TGOLN2: variants seen among roughly 807,000 people sequenced by gnomAD.
TGOLN2 encodes trans-Golgi network integral membrane protein 2.
Under a neutral mutation model 31.3 loss-of-function variants are expected in TGOLN2, and 19 were observed. That is an observed-to-expected ratio of 0.61 (90% confidence interval 0.42 to 0.89). The LOEUF (loss-of-function observed/expected upper bound fraction) is 0.89. Among genes scored for constraint, TGOLN2 ranks in the 40% least tolerant of loss-of-function variants. TGOLN2 has a pLI of 0.00. For synonymous variants in TGOLN2, 222 were observed against 226.7 expected (o/e 0.98, Z 0.19); for missense variants, 540 against 559.2 (o/e 0.97, Z 0.35).
In TGOLN2 at chr2:85,327,963, C is replaced by T. The variant is rs367812749; in HGVS notation, c.-1G>A. The T allele has an allele frequency of 4.6e-5, 73 of 1,592,958 alleles. No homozygotes were observed. The African/African-American group carries it at 9.0e-4, about 20-fold the overall frequency. ...GGACCAAGGCAACCACGAACCGCAT[C>T]CTGCTCGGATAGCGCTTCCGCCCTC... is the stretch of plus-strand genomic sequence containing the variant. On this transcript the variant is annotated 5_prime_UTR_variant, in exon 1 of 4. Transcript: ENST00000377386.
intron 3 of TGOLN2, 35 bp from the exon 4 acceptor site, chr2:85,322,776 G>A (rs374425117): frequency 7.9e-5 from 127 of 1,606,672 alleles, no homozygotes; most frequent in Non-Finnish European, 1.0e-4. Context: ...GAGGTGCAGG[G>A]AAAACATTCA....
chr2:85,322,856 A>T, intron 3 of TGOLN2, 115 bp from the exon 4 acceptor site: 1 of 1,518,638 alleles, frequency 6.6e-7, no homozygotes, highest in East Asian at 2.4e-5. Context: ...AATGATTTTT[A>T]AAGTTTGAAA....
At position 85,322,177 on chromosome 2, in the gene TGOLN2, C is replaced by T. The variant is rs1485907783; in HGVS notation, c.*559G>A. On this transcript the variant is annotated 3_prime_UTR_variant, in exon 4 of 4. Coordinates refer to ENST00000377386, the MANE Select transcript of TGOLN2 (RefSeq NM_006464.4). ...ATTATGTATTCAAAGTAGCTCTTTG[C>T]CCATTGGCATTTCCCCATCTTCTAT... The T allele has an allele frequency of 6.4e-6, 1 of 156,344 alleles. No homozygotes were observed. Among genetic ancestry groups the T allele is most frequent in the African/African-American group, 2.4e-5 (1 of 41,460 alleles). 9.7% of individuals were successfully genotyped at this position (156,344 alleles called of 1,614,324 possible).
In TGOLN2 at chr2:85,322,657, CA is replaced by C; in HGVS notation, c.*78del. 1.2e-6 allele frequency: 2 copies of C among 1,600,170 alleles called. No individual in the cohort carries two copies. The highest frequency in any genetic ancestry group is 1.8e-5 in the Admixed American group (1 of 55,146). On this transcript the variant is annotated 3_prime_UTR_variant, in exon 4 of 4. Coordinates refer to ENST00000377386, the MANE Select transcript of TGOLN2 (RefSeq NM_006464.4). ...GCAGGGAGGACAAGGTTCTCAAGGA[CA>C]AAAAAATCAAAGCTGAAACGAGAGC...
chr2:85,321,539 G>A lies in TGOLN2; in HGVS notation c.*1197C>T, dbSNP rs1682550107. 6.6e-6 allele frequency: 1 copy of A among 152,642 alleles called. No homozygotes were observed. The highest frequency in any genetic ancestry group is 2.4e-5 in the African/African-American group (1 of 41,446). The allele number at this position is 152,642 out of a possible 1,614,324, so 9.5% of individuals were successfully genotyped here. A position where few individuals can be genotyped will look rare whatever the true frequency, so the allele number is the denominator to read the frequency against. ...AAAAGATAAACCTTCAAACAATAGTGTTGTCCAAGACACTACCCTCACTTA... is the reference window on the plus strand; with the variant it reads ...AAAAGATAAACCTTCAAACAATAGTATTGTCCAAGACACTACCCTCACTTA... On this transcript the variant is annotated 3_prime_UTR_variant, in exon 4 of 4. Coordinates refer to ENST00000377386, the MANE Select transcript of TGOLN2 (RefSeq NM_006464.4).
chr2:85,325,311 T>A lies in TGOLN2; in HGVS notation c.1225-313A>T, dbSNP rs562389888. On this transcript the variant is annotated intron_variant, in intron 2 of 3. Transcript: ENST00000377386. ...AGATCTATCAACTCCTTCCTAGAGA[T>A]ATCTAGGATATAGGACATTCCTTTA... 7.9e-5 allele frequency among the ~76,000 whole-genome samples: 12 copies of A among 152,284 alleles called. 2 individuals carry two copies. In the South Asian group the frequency reaches 2.5e-3, roughly 32 times the overall value.
chr2:85,326,967 C>T lies in TGOLN2; in HGVS notation c.765G>A (p.Glu255=). 1 of 1,613,988 alleles carries T rather than the reference C, an allele frequency of 6.2e-7. No homozygotes were observed. Among genetic ancestry groups the T allele is most frequent in the Non-Finnish European group, 8.5e-7 (1 of 1,179,838 alleles). ...SKDSPNKVVP[E]QPSRKDHSKP... ...TGGAATGGTCTTTCCGGGAAGGCTG[C>T]TCTGGAACCACCTTGTTAGGGCTGT... Residue 255 remains glutamate (E), a synonymous_variant, in exon 2 of 4, where the codon GAG becomes GAA. Coordinates refer to ENST00000377386, the MANE Select transcript of TGOLN2 (RefSeq NM_006464.4).
rs954308720 is a variant in TGOLN2, at chr2:85,318,901, A to G, written c.*3835T>C. 5 of 152,308 alleles carry G rather than the reference A, an allele frequency of 3.3e-5. No individual in the cohort carries two copies. In the East Asian group the frequency reaches 9.7e-4, roughly 29 times the overall value. The allele number at this position is 152,308 out of a possible 1,614,324, so 9.4% of individuals were successfully genotyped here. The stretch of plus-strand genomic sequence containing the variant: ...CAGGAAAACTGCTTCCTCTATTAAC[A>G]TCTATGACTGAAGCACAGATGTGTC... On this transcript the variant is annotated 3_prime_UTR_variant, in exon 4 of 4. Coordinates refer to ENST00000377386, the MANE Select transcript of TGOLN2 (RefSeq NM_006464.4).
chr2:85,327,455 C>A lies in TGOLN2; in HGVS notation c.277G>T (p.Asp93Tyr), dbSNP rs1374862207. The change falls in exon 2 of 4, where the codon GAC becomes TAC. Residue 93 changes from aspartate (D) to tyrosine (Y), a missense_variant. Transcript: ENST00000377386. ...TCCGCACCCGACTTGTTGGAGCTGT[C>A]TTTTTGGGTCTTTGCCTCCGCACCC... ...KSGAEAKTQK[D>Y]SSNKSGAEAK... 1 of 1,613,528 alleles carries A rather than the reference C, an allele frequency of 6.2e-7. No individual in the cohort carries two copies. The highest frequency in any genetic ancestry group is 8.5e-7 in the Non-Finnish European group (1 of 1,179,808).
chr2:85,322,574 G>C lies in TGOLN2; in HGVS notation c.*162C>G. 2.1e-6 allele frequency: 3 copies of C among 1,454,938 alleles called. No individual in the cohort carries two copies. Among genetic ancestry groups the C allele is most frequent in the South Asian group, 2.6e-5 (2 of 75,580 alleles). 90.1% of individuals were successfully genotyped at this position (1,454,938 alleles called of 1,614,324 possible). The stretch of plus-strand genomic sequence containing the variant: ...GACCCGCCACTAAATTCTAGAGGAG[G>C]GTGTCTCTCAGGTCACAGTACTTTT... On this transcript the variant is annotated 3_prime_UTR_variant, in exon 4 of 4. Transcript: ENST00000377386.
At position 85,326,965 on chromosome 2, in the gene TGOLN2, T is replaced by G. The variant is rs773766077; in HGVS notation, c.767A>C (p.Gln256Pro). The G allele has an allele frequency of 1.5e-4, 247 of 1,613,860 alleles. No individual in the cohort carries two copies. Among genetic ancestry groups the G allele is most frequent in the Non-Finnish European group, 1.9e-4 (224 of 1,179,832 alleles). The part of the protein sequence containing the change: ...KDSPNKVVPE[Q>P]PSRKDHSKPI... ...CTTGGAATGGTCTTTCCGGGAAGGC[T>G]GCTCTGGAACCACCTTGTTAGGGCT... The change falls in exon 2 of 4, where the codon CAG becomes CCG. Residue 256 changes from glutamine to proline, a missense_variant. Physicochemically the swap from Gln to Pro is moderately conservative, Grantham distance 76. Transcript: ENST00000377386.
In TGOLN2 at chr2:85,327,678, C is replaced by CA; in HGVS notation, c.53dup (p.Pro19AlafsTer50). The CA allele has an allele frequency of 1.2e-6, 2 of 1,610,770 alleles. No individual in the cohort carries two copies. The highest frequency in any genetic ancestry group is 1.7e-6 in the Non-Finnish European group (2 of 1,178,162). On this transcript the variant is annotated frameshift_variant, in exon 2 of 4. Transcript: ENST00000377386. LOFTEE classifies it high-confidence loss of function. Reference sequence around the variant, plus strand: ...TGACGCTTTCGGTGGCCAAGAGCGGCACGGCTCCTGAAATAGAAAAACGAG... The same window carrying CA: ...TGACGCTTTCGGTGGCCAAGAGCGGCAACGGCTCCTGAAATAGAAAAACGAG...
At position 85,324,136 on chromosome 2, in the gene TGOLN2, A is replaced by G. The variant is rs111931427; in HGVS notation, c.1308+779T>C. Among the ~76,000 whole-genome samples, 670 of 152,242 alleles carry G rather than the reference A, an allele frequency of 4.4e-3. 5 individuals carry two copies. The highest frequency in any genetic ancestry group is 0.016 in the African/African-American group (649 of 41,538). On this transcript the variant is annotated intron_variant, in intron 3 of 3. Coordinates refer to ENST00000377386, the MANE Select transcript of TGOLN2 (RefSeq NM_006464.4). ...ACCTGGGAACTTCCTAAGAATGTAG[A>G]CACAGGCCAGGCACGGTGGCTTATG...
At position 85,322,189 on chromosome 2, in the gene TGOLN2, T is replaced by TC. The variant is rs1682570556; in HGVS notation, c.*546dup. ...AAGTAGCTCTTTGCCCATTGGCATT[T>TC]CCCCATCTTCTATGTCTTCTGTAGG... On this transcript the variant is annotated 3_prime_UTR_variant, in exon 4 of 4. Transcript: ENST00000377386. 1 of 157,034 alleles carries TC rather than the reference T, an allele frequency of 6.4e-6. No individual in the cohort carries two copies. The highest frequency in any genetic ancestry group is 1.4e-5 in the Non-Finnish European group (1 of 71,612). 9.7% of individuals were successfully genotyped at this position (157,034 alleles called of 1,614,324 possible). A position where few individuals can be genotyped will look rare whatever the true frequency, so the allele number is the denominator to read the frequency against.
intron 1 of TGOLN2, 76 bp downstream of exon 1, chr2:85,327,841 G>A (rs535182861): frequency 1.0e-5 from 16 of 1,554,048 alleles, no homozygotes; most frequent in African/African-American, 1.4e-5. Context: ...GGGAAGAAGC[G>A]AGCCTAGAGG....
chr2:85,327,860 C>T, intron 1 of TGOLN2, 57 bp downstream of exon 1: 1 of 1,574,798 alleles, frequency 6.4e-7, no homozygotes, highest in Non-Finnish European at 8.6e-7. Flanking sequence ...GGTGACCTGC[C>T]CAGGTGAGAA....
chr2:85,327,784 G>C (rs1246380722), intron 1 of TGOLN2, 99 bp from the exon 2 acceptor site: 16 of 1,479,482 alleles, frequency 1.1e-5, no homozygotes, highest in Middle Eastern at 2.2e-4. Flanking sequence ...AATGGGGATT[G>C]GGGGGTGGGG....
chr2:85,324,615 G>A (rs1395946902), intron 3 of TGOLN2: 2 of 465,560 alleles, frequency 4.3e-6, no homozygotes, highest in African/African-American at 4.0e-5. Flanking sequence ...CTAACTTGCA[G>A]TAGAAACTTA....
In TGOLN2 at chr2:85,326,820, G is replaced by A; in HGVS notation, c.912C>T (p.Leu304=). The A allele has an allele frequency of 6.2e-7, 1 of 1,614,026 alleles. No homozygotes were observed. Among genetic ancestry groups the A allele is most frequent in the Non-Finnish European group, 8.5e-7 (1 of 1,179,898 alleles). ...TAACTTCCTCCTGCGGGGGAGAAAT[G>A]AGGTCAGTTTCCTCCCCAGATTCGG... ...FKTESGEETD[L]ISPPQEEVKS... is the part of the protein sequence containing the mutation. The change falls in exon 2 of 4, where the codon CTC becomes CTT. Residue 304 remains leucine, a synonymous_variant. Transcript: ENST00000377386.
Sources: allele counts gnomAD v4.1 joint callset (sites outside exome capture counted in the v4.1 genomes callset), GRCh38; gene constraint gnomAD v4.1.1; transcripts MANE v1.5; gene names NCBI Gene and HGNC (gene_info 2026-07-23, HGNC 2026-07-21).